KCNJ6: variants seen among roughly 807,000 people sequenced by gnomAD.
KCNJ6 encodes the protein G protein-activated inward rectifier potassium channel 2.
KCNJ6 carries 9 observed loss-of-function variants against 34.2 expected under a neutral mutation model. That is an observed-to-expected ratio of 0.26 (90% CI 0.16 to 0.46). The LOEUF is 0.46. KCNJ6 is among the 20% of genes least tolerant of loss of function. KCNJ6 has a pLI of 1.00. For missense variants in KCNJ6, 236 were observed against 531.3 expected (o/e 0.44, Z 5.46); for synonymous variants, 196 against 207.1 (o/e 0.95, Z 0.46).
chr21:37,672,807 CT>C (rs1163716446), intron 3 of KCNJ6, among the ~76,000 whole-genome samples: 3 of 151,914 alleles, frequency 2.0e-5, no homozygotes, highest in African/African-American at 7.3e-5. Flanking sequence ...GAGATAGGAT[CT>C]GGCTATGTGG....
chr21:37,812,849 C>T (rs529056439), intron 2 of KCNJ6, among the ~76,000 whole-genome samples: 39 of 152,202 alleles, frequency 2.6e-4, no homozygotes, highest in African/African-American at 7.0e-4. Flanking sequence ...CTCTAAGATC[C>T]GGAACAAGAC....
At chr21:37,635,440 A>G (rs1259766063) in intron 3 of KCNJ6, among the ~76,000 whole-genome samples, 1 of 151,396 alleles carries the variant, frequency 6.6e-6, no homozygotes, top group Non-Finnish European at 1.5e-5. Flanking sequence ...CTGGTCTCGA[A>G]TTCCTGACCT....
intron 2 of KCNJ6, among the ~76,000 whole-genome samples, chr21:37,809,909 G>A (rs1438157568): frequency 6.6e-6 from 1 of 152,334 alleles, no homozygotes; most frequent in Non-Finnish European, 1.5e-5. Flanking sequence ...GCACAAAGTG[G>A]CAGAAGCCTG....
intron 2 of KCNJ6, among the ~76,000 whole-genome samples, chr21:37,787,303 AGG>A (rs1030828730): frequency 1.2e-4 from 18 of 152,290 alleles, no homozygotes; most frequent in African/African-American, 4.3e-4. Flanking sequence ...CTGGGGGTAG[AGG>A]GGGCTGAATA....
chr21:37,702,777 A>G (rs1283853940), intron 3 of KCNJ6, among the ~76,000 whole-genome samples: 1 of 152,166 alleles, frequency 6.6e-6, no homozygotes, highest in Non-Finnish European at 1.5e-5. Context: ...CTTGCAGAAG[A>G]GAATGGAAAG....
chr21:37,715,162 T>C, intron 2 of KCNJ6, 31 bp from the exon 3 acceptor site: 2 of 1,564,940 alleles, frequency 1.3e-6, no homozygotes, highest in Admixed American at 1.8e-5. Flanking sequence ...AAAGAAACAC[T>C]GAATGAAAGG....
chr21:37,830,885 T>G (rs1243066881), intron 2 of KCNJ6, among the ~76,000 whole-genome samples: 1 of 152,206 alleles, frequency 6.6e-6, no homozygotes, highest in Non-Finnish European at 1.5e-5. Context: ...AGCCACATGC[T>G]CATTCTGGAT....
chr21:37,814,616 C>T (rs1023246583), intron 2 of KCNJ6, among the ~76,000 whole-genome samples: 2 of 152,130 alleles, frequency 1.3e-5, no homozygotes, highest in Non-Finnish European at 2.9e-5. Context: ...AGAATGAGAT[C>T]GGCCAAGCGT....
At chr21:37,638,306 C>T (rs752630256) in intron 3 of KCNJ6, among the ~76,000 whole-genome samples, 6 of 152,082 alleles carry the variant, frequency 3.9e-5, no homozygotes, top group Non-Finnish European at 7.4e-5. Flanking sequence ...ACCACCATGC[C>T]CTGCTAATTT....
chr21:37,770,656 C>G (rs891701438), intron 2 of KCNJ6, among the ~76,000 whole-genome samples: 10 of 152,124 alleles, frequency 6.6e-5, no homozygotes, highest in African/African-American at 2.4e-4. Context: ...GGTCCCTCCA[C>G]TAAACAAAGA....
intron 2 of KCNJ6, among the ~76,000 whole-genome samples, chr21:37,761,664 A>T (rs115120152): frequency 0.17 from 24,280 of 144,678 alleles, 2,519 homozygotes; most frequent in Non-Finnish European, 0.22. Context: ...TGTGTGTTGT[A>T]TGTAGTTTGT....
chr21:37,820,770 G>T (rs1337894606), intron 2 of KCNJ6, among the ~76,000 whole-genome samples: 1 of 152,114 alleles, frequency 6.6e-6, no homozygotes, highest in African/African-American at 2.4e-5. Context: ...TATTTTATTT[G>T]CTTTTCTGAA....
intron 1 of KCNJ6, among the ~76,000 whole-genome samples, chr21:37,847,382 G>A (rs2055514172): frequency 1.1e-5 from 1 of 93,444 alleles, no homozygotes. Flanking sequence ...AACCCAACAA[G>A]TCTTCTTTCT....
At chr21:37,871,942 GGATTT>G (rs1487772404) in intron 1 of KCNJ6, among the ~76,000 whole-genome samples, 8 of 152,206 alleles carry the variant, frequency 5.3e-5, no homozygotes, top group African/African-American at 1.7e-4. Context: ...AGAAACATAT[GGATTT>G]GATTTTTCAT....
chr21:37,853,009 T>C (rs747063738), intron 1 of KCNJ6, among the ~76,000 whole-genome samples: 22 of 151,438 alleles, frequency 1.5e-4, no homozygotes, highest in Non-Finnish European at 2.8e-4. Flanking sequence ...CTTAAAAAAA[T>C]GAACAGAGCC....
intron 1 of KCNJ6, among the ~76,000 whole-genome samples, chr21:37,861,920 G>A (rs1008467388): frequency 5.9e-5 from 9 of 152,204 alleles, no homozygotes; most frequent in Non-Finnish European, 1.3e-4. Context: ...AAGGAGAGGA[G>A]GGTGTGGGTA....
chr21:37,866,303 C>CTGTA (rs1481398583), intron 1 of KCNJ6, among the ~76,000 whole-genome samples: 1 of 152,212 alleles, frequency 6.6e-6, no homozygotes, highest in Non-Finnish European at 1.5e-5. Context: ...AAGCCTCTTA[C>CTGTA]TGTATATCAC....
rs543948729 is a variant in KCNJ6, at chr21:37,685,537, C to T, written c.946+28674G>A. Among the ~76,000 whole-genome samples, 21 of 112,894 alleles carry T rather than the reference C, an allele frequency of 1.9e-4. 6 individuals are homozygous for T. Among genetic ancestry groups the T allele is most frequent in the African/African-American group, 6.2e-4 (21 of 33,602 alleles). The allele number at this position is 112,894 out of a possible 152,430, so 74.1% of individuals were successfully genotyped here. On this transcript the variant is annotated intron_variant, in intron 3 of 3. Coordinates refer to ENST00000609713, the MANE Select transcript of KCNJ6 (RefSeq NM_002240.5). ...TCTACTAAAAATACAAAAAATTAGCCGGGCGTGGCGCGTATGCCTGTAGTC... is the reference window on the plus strand; with the variant it reads ...TCTACTAAAAATACAAAAAATTAGCTGGGCGTGGCGCGTATGCCTGTAGTC...
chr21:37,666,577 G>A (rs896654954), intron 3 of KCNJ6, among the ~76,000 whole-genome samples: 2 of 152,174 alleles, frequency 1.3e-5, no homozygotes, highest in Non-Finnish European at 2.9e-5. Context: ...GAAGTGAGGA[G>A]TGCCTCTGCC....
Sources: allele counts gnomAD v4.1 joint callset (sites outside exome capture counted in the v4.1 genomes callset), GRCh38; gene constraint gnomAD v4.1.1; transcripts MANE v1.5; gene names NCBI Gene and HGNC (gene_info 2026-07-23, HGNC 2026-07-21).